Variants in MCCC1 observed in about 807,000 individuals in gnomAD.
MCCC1 encodes the protein methylcrotonyl-CoA carboxylase subunit 1.
In MCCC1, 64 loss-of-function variants were observed where a neutral mutation model predicts 83.8. The observed-to-expected ratio is 0.76, with a 90% CI of 0.62 to 0.94. MCCC1 has a LOEUF of 0.94. MCCC1 is among the 40% of genes least tolerant of loss of function. MCCC1 has a pLI of 0.00. For synonymous variants in MCCC1, 322 were observed against 315.4 expected, an observed-to-expected ratio of 1.02 and a Z score of -0.22; for missense variants, 807 against 904.7, an observed-to-expected ratio of 0.89 and a Z score of 1.39.
intron 16 of MCCC1, 77 bp downstream of exon 16, chr3:183,022,340 C>A: frequency 1.3e-6 from 2 of 1,536,858 alleles, no homozygotes; most frequent in African/African-American, 1.4e-5. Context: ...TCTTTCTAAT[C>A]TCTTTCAGTG....
chr3:183,061,055 C>G (rs1383785879), intron 7 of MCCC1, among the ~76,000 whole-genome samples: 5 of 152,172 alleles, frequency 3.3e-5, no homozygotes, highest in African/African-American at 7.2e-5. Flanking sequence ...ACCTAATAAC[C>G]TGCCAAAGGC....
At chr3:183,033,607 A>C (rs528118594) in intron 14 of MCCC1, among the ~76,000 whole-genome samples, 1 of 152,276 alleles carries the variant, frequency 6.6e-6, no homozygotes, top group Non-Finnish European at 1.5e-5. Context: ...TGTTTTTCTT[A>C]TTTAAAAGTA....
chr3:183,039,215 T>C (rs984873313), intron 11 of MCCC1, 80 bp from the exon 12 acceptor site: 1 of 1,299,772 alleles, frequency 7.7e-7, no homozygotes, highest in Non-Finnish European at 1.1e-6. Context: ...TTTTGTTATG[T>C]ACATTTCACG....
chr3:183,041,036 C>T, intron 11 of MCCC1, among the ~76,000 whole-genome samples: 1 of 152,252 alleles, frequency 6.6e-6, no homozygotes, highest in African/African-American at 2.4e-5. Flanking sequence ...GTGAAAGGAA[C>T]ACAAGTAGAA....
intron 1 of MCCC1, among the ~76,000 whole-genome samples, chr3:183,107,180 G>T (rs1447707557): frequency 6.6e-6 from 1 of 151,988 alleles, no homozygotes; most frequent in Non-Finnish European, 1.5e-5. Flanking sequence ...TGAGGCGGAC[G>T]GATCATTTGA....
Position 183,020,789 on chromosome 3 carries a change from G to A in MCCC1, c.1870-552C>T, listed in dbSNP as rs372182042. On this transcript the variant is annotated intron_variant, in intron 16 of 18. Coordinates refer to ENST00000265594, the MANE Select transcript of MCCC1 (RefSeq NM_020166.5). ...TATTAAAAGATTTAGGCTGGGCGCC[G>A]TGGCTCACGCCTGTAATCCCAGCAC... Among the ~76,000 whole-genome samples, 13 of 152,332 alleles carry A rather than the reference G, an allele frequency of 8.5e-5. No individual in the cohort carries two copies. In the East Asian group the frequency reaches 9.6e-4, roughly 11 times the overall value.
At chr3:183,041,878 C>A (rs527997410) in intron 10 of MCCC1, 128 bp from the exon 11 acceptor site, 2 of 1,061,164 alleles carry the variant, frequency 1.9e-6, no homozygotes, top group Admixed American at 2.0e-5. Flanking sequence ...CAAATAAAAA[C>A]TATTATTTTG....
chr3:183,114,149 G>A (rs970135900), intron 1 of MCCC1, among the ~76,000 whole-genome samples: 2 of 152,152 alleles, frequency 1.3e-5, no homozygotes, highest in African/African-American at 2.4e-5. Flanking sequence ...CCAAGAATTC[G>A]TCTGATTGAT....
At chr3:183,104,829 A>G (rs1719381269) in intron 1 of MCCC1, among the ~76,000 whole-genome samples, 1 of 152,250 alleles carries the variant, frequency 6.6e-6, no homozygotes, top group Non-Finnish European at 1.5e-5. Context: ...TGGGAATATT[A>G]TCACACTTTA....
chr3:183,057,915 A>G (rs1180412379), intron 7 of MCCC1, among the ~76,000 whole-genome samples: 1 of 152,168 alleles, frequency 6.6e-6, no homozygotes, highest in Non-Finnish European at 1.5e-5. Flanking sequence ...TGAAAATGTT[A>G]CCATTTGTAG....
rs1297847007 is a variant in MCCC1 at position 183,099,361 on chromosome 3, A to G, written c.80T>C (p.Leu27Pro). The change falls in exon 1 of 19, where the codon CTG becomes CCG. Residue 27 changes from leucine (L) to proline (P), a missense_variant. By Grantham distance (98) the Leu-to-Pro change is moderately conservative. Transcript: ENST00000265594. ...NRWHRLPSLL[L>P]PPRTWVWRQR... is the part of the protein sequence containing the mutation. ...TGGCCCCTCCACCCACCTCGGCGGC[A>G]GGAGCAGGCTCGGGAGACGATGCCA... 1.4e-5 allele frequency: 22 copies of G among 1,601,262 alleles called. No individual in the cohort carries two copies. The highest frequency in any genetic ancestry group is 1.8e-5 in the Non-Finnish European group (21 of 1,175,986).
rs797014387 is a variant in MCCC1 at position 183,022,156 on chromosome 3, G to A, written c.1869+261C>T. 5.9e-5 allele frequency among the ~76,000 whole-genome samples: 9 copies of A among 152,324 alleles called. 1 individual carries two copies. Among genetic ancestry groups the A allele is most frequent in the African/African-American group, 2.2e-4 (9 of 41,568 alleles). On this transcript the variant is annotated intron_variant, in intron 16 of 18. Coordinates refer to ENST00000265594, the MANE Select transcript of MCCC1 (RefSeq NM_020166.5). ...GAGATATGCTCTGACAAAGAAAATG[G>A]AAGGATTTGTTTCAGAATTCAGGAA...
In MCCC1 at chr3:183,015,423, T is replaced by C. The variant is rs1711538424; in HGVS notation, c.*15A>G. ...AGAGAAGACACTACTTAACTGGCCA[T>C]TTCCTTGCTGGAGTTTATTCCGATT... is the stretch of plus-strand genomic sequence containing the variant. On this transcript the variant is annotated 3_prime_UTR_variant, in exon 19 of 19. Coordinates refer to ENST00000265594, the MANE Select transcript of MCCC1 (RefSeq NM_020166.5). 6.2e-7 allele frequency: 1 copy of C among 1,613,576 alleles called. No individual in the cohort carries two copies. Among genetic ancestry groups the C allele is most frequent in the Non-Finnish European group, 8.5e-7 (1 of 1,179,662 alleles).
At chr3:183,111,453 C>T (rs1577385970) in intron 1 of MCCC1, among the ~76,000 whole-genome samples, 1 of 152,184 alleles carries the variant, frequency 6.6e-6, no homozygotes, top group South Asian at 2.1e-4. Flanking sequence ...GCACCTACCA[C>T]CACGCCTGGC....
intron 1 of MCCC1, among the ~76,000 whole-genome samples, chr3:183,110,073 T>C (rs949388100): frequency 6.6e-6 from 1 of 152,222 alleles, no homozygotes. Context: ...TGTCTGTTCA[T>C]GTCCTTTGCC....
chr3:183,099,964 G>C (rs938225539), upstream of MCCC1, among the ~76,000 whole-genome samples: 1 of 152,078 alleles, frequency 6.6e-6, no homozygotes, highest in Non-Finnish European at 1.5e-5. Context: ...GGGAAAAAGA[G>C]GAAGTCAAAG....
intron 4 of MCCC1, among the ~76,000 whole-genome samples, chr3:183,073,153 T>C (rs1181073706): frequency 1.7e-4 from 26 of 152,238 alleles, no homozygotes; most frequent in Non-Finnish European, 1.9e-4. Context: ...TACAAGTATC[T>C]GTTTTGAGTC....
intron 3 of MCCC1, among the ~76,000 whole-genome samples, chr3:183,089,471 G>A (rs753298692): frequency 1.3e-5 from 2 of 152,034 alleles, no homozygotes; most frequent in Non-Finnish European, 2.9e-5. Context: ...AAAATTAGCC[G>A]GCTATGGTAG....
chr3:183,108,802 G>C (rs546721364), intron 1 of MCCC1, among the ~76,000 whole-genome samples: 3 of 152,168 alleles, frequency 2.0e-5, no homozygotes, highest in Non-Finnish European at 4.4e-5. Context: ...TGCTCCAACC[G>C]AAGTGTAGAA....
Sources: gnomAD v4.1 joint callset for allele counts (sites outside exome capture counted in the v4.1 genomes callset) on GRCh38, gnomAD v4.1.1 for gene constraint, MANE v1.5 for transcripts, NCBI Gene and HGNC (gene_info 2026-07-23, HGNC 2026-07-21) for gene names.